KLHL8: variants seen among roughly 807,000 people sequenced by gnomAD.
KLHL8 encodes kelch-like protein 8.
KLHL8 carries 38 observed loss-of-function variants against 63.5 expected under a neutral mutation model. The observed-to-expected ratio is 0.60, with a 90% CI of 0.46 to 0.78. KLHL8 has a LOEUF of 0.78. Among genes scored for constraint, KLHL8 ranks in the 30% least tolerant of loss-of-function variants. The pLI, the probability that KLHL8 is intolerant of heterozygous loss-of-function variation, is 0.00. For missense variants in KLHL8, 566 were observed against 752.4 expected, an observed-to-expected ratio of 0.75 and a Z score of 2.90; for synonymous variants, 224 against 254.3, an observed-to-expected ratio of 0.88 and a Z score of 1.13.
At chr4:87,219,653 T>G (rs536837875) in intron 1 of KLHL8, 37 of 152,166 alleles carry the variant, frequency 2.4e-4, no homozygotes, top group Admixed American at 2.4e-3. Context: ...GCCAAATCGC[T>G]CTCTCTGAAG....
rs532769943 is a variant in KLHL8, at chr4:87,185,475, G to A, written c.541C>T (p.Arg181Ter). ...AVRAFAESHN[R>*]IDLMDMADQY... ...TCCGCCATGTCCATTAAGTCTATTC[G>A]ATTGTGACTTTCTGCAAAGGCTCTT... is the stretch of plus-strand genomic sequence containing the variant. Residue 181 changes from arginine to a stop codon, truncating the protein, a stop_gained, in exon 3 of 10, where the codon CGA becomes TGA. Transcript: ENST00000273963. LOFTEE classifies it high-confidence loss of function. 1.2e-6 allele frequency: 2 copies of A among 1,613,994 alleles called. No homozygotes were observed. Among genetic ancestry groups the A allele is most frequent in the African/African-American group, 1.3e-5 (1 of 74,908 alleles).
At chr4:87,166,440 G>A (rs1045790481) in intron 8 of KLHL8, among the ~76,000 whole-genome samples, 1 of 152,166 alleles carries the variant, frequency 6.6e-6, no homozygotes, top group Non-Finnish European at 1.5e-5. Flanking sequence ...ATAAAGGAAG[G>A]TATTACTAAT....
In KLHL8 at chr4:87,163,261, A is replaced by T; in HGVS notation, c.*258T>A. ...TTTGGCACTACTTTAAGCATTTTTC[A>T]GGGTAGGTATGATTTTAAGTTCGAC... On this transcript the variant is annotated 3_prime_UTR_variant, in exon 10 of 10. Transcript: ENST00000273963. 3.8e-6 allele frequency: 1 copy of T among 262,812 alleles called. No individual in the cohort carries two copies. The highest frequency in any genetic ancestry group is 7.2e-6 in the Non-Finnish European group (1 of 139,620). 16.3% of individuals were successfully genotyped at this position (262,812 alleles called of 1,614,324 possible).
In KLHL8 at chr4:87,216,664, TTC is replaced by T. The variant is rs569977911; in HGVS notation, c.-152+3752_-152+3753del. Among the ~76,000 whole-genome samples, 185 of 152,250 alleles carry T rather than the reference TTC, an allele frequency of 1.2e-3. 4 individuals are homozygous for T. The South Asian group carries it at 0.037, about 30-fold the overall frequency. ...AGGTCCCTCCAACCCTCTTCCATAA[TTC>T]TCTCTCTGACTCATAAGAACCAACT... On this transcript the variant is annotated intron_variant, in intron 1 of 9. Transcript: ENST00000273963.
At chr4:87,217,900 A>C (rs1242797117) in intron 1 of KLHL8, among the ~76,000 whole-genome samples, 1 of 152,220 alleles carries the variant, frequency 6.6e-6, no homozygotes, top group Non-Finnish European at 1.5e-5. Context: ...TTAATGTTTA[A>C]GATGTCTGCA....
chr4:87,198,268 T>G (rs1443777998), intron 1 of KLHL8, among the ~76,000 whole-genome samples: 1 of 152,062 alleles, frequency 6.6e-6, no homozygotes, highest in Non-Finnish European at 1.5e-5. Context: ...TGCAGTGAGC[T>G]GAGATCACAC....
chr4:87,234,451 A>G (rs1382532700), intron 1 of KLHL8, among the ~76,000 whole-genome samples: 1 of 151,320 alleles, frequency 6.6e-6, no homozygotes, highest in Non-Finnish European at 1.5e-5. Context: ...AAAAAAAAAA[A>G]GATTATAGTG....
chr4:87,239,710 C>T (rs1235805012), intron 1 of KLHL8, among the ~76,000 whole-genome samples: 1 of 152,084 alleles, frequency 6.6e-6, no homozygotes, highest in Non-Finnish European at 1.5e-5. Flanking sequence ...TTTATGAGAA[C>T]CTTGGGCTGA....
intron 8 of KLHL8, 88 bp from the exon 9 acceptor site, chr4:87,164,167 T>G (rs918513947): frequency 2.5e-6 from 3 of 1,203,070 alleles, no homozygotes; most frequent in Non-Finnish European, 3.5e-6. Flanking sequence ...CAACCCAATC[T>G]TTTAAAATCA....
upstream of KLHL8, among the ~76,000 whole-genome samples, chr4:87,224,942 G>A (rs142886834): frequency 2.0e-5 from 3 of 152,134 alleles, no homozygotes; most frequent in East Asian, 5.8e-4. Flanking sequence ...GGATGGGGTG[G>A]AGTTTGGTGG....
rs992887632 is a variant in KLHL8, at chr4:87,160,424, CAT to C, written c.*3093_*3094del. 6.6e-6 allele frequency: 1 copy of C among 151,962 alleles called. No homozygotes were observed. The highest frequency in any genetic ancestry group is 2.4e-5 in the African/African-American group (1 of 41,394). The allele number at this position is 151,962 out of a possible 1,614,324, so 9.4% of individuals were successfully genotyped here. ...TAGATTCTAAAGGCATTCTTTAAGA[CAT>C]AGAGAAAAAAGAAACAAAGAAAATT... On this transcript the variant is annotated 3_prime_UTR_variant, in exon 10 of 10. Transcript: ENST00000273963.
chr4:87,228,302 C>A (rs1251990319), intron 1 of KLHL8, among the ~76,000 whole-genome samples: 1 of 152,140 alleles, frequency 6.6e-6, no homozygotes, highest in Non-Finnish European at 1.5e-5. Context: ...GCCATGGGAA[C>A]CCCTGAATTT....
intron 1 of KLHL8, among the ~76,000 whole-genome samples, chr4:87,239,117 G>T (rs1222648464): frequency 6.6e-6 from 1 of 152,134 alleles, no homozygotes; most frequent in Non-Finnish European, 1.5e-5. Context: ...TCTTCTCTAA[G>T]TAGTAGTGTT....
intron 1 of KLHL8, among the ~76,000 whole-genome samples, chr4:87,227,460 C>A (rs1467444172): frequency 1.3e-5 from 2 of 151,976 alleles, no homozygotes; most frequent in South Asian, 2.1e-4. Flanking sequence ...GAGAACACAG[C>A]AAGACTGTGT....
chr4:87,208,254 G>T (rs941277127), intron 1 of KLHL8, among the ~76,000 whole-genome samples: 9 of 152,080 alleles, frequency 5.9e-5, no homozygotes, highest in Non-Finnish European at 1.2e-4. Context: ...GCCCCACCTT[G>T]TCATGTACCA....
intron 1 of KLHL8, among the ~76,000 whole-genome samples, chr4:87,231,704 C>G (rs1733140419): frequency 6.6e-6 from 1 of 152,068 alleles, no homozygotes; most frequent in African/African-American, 2.4e-5. Context: ...TCAAGCGATT[C>G]TCCTGCCTCA....
intron 1 of KLHL8, among the ~76,000 whole-genome samples, chr4:87,227,781 A>G (rs1733061346): frequency 6.6e-6 from 1 of 152,208 alleles, no homozygotes; most frequent in African/African-American, 2.4e-5. Flanking sequence ...TGTGCAATGA[A>G]AATAAGCTTT....
At chr4:87,194,131 C>A (rs1166982885) in intron 2 of KLHL8, among the ~76,000 whole-genome samples, 3 of 152,080 alleles carry the variant, frequency 2.0e-5, no homozygotes, top group Non-Finnish European at 4.4e-5. Flanking sequence ...AGAGGGGGAA[C>A]CTTTGGGAAA....
intron 2 of KLHL8, among the ~76,000 whole-genome samples, chr4:87,187,054 G>C (rs1444973949): frequency 6.6e-6 from 1 of 151,162 alleles, no homozygotes; most frequent in East Asian, 1.9e-4. Flanking sequence ...ATTACAAATA[G>C]CACACTAGTG....
Sources: gnomAD v4.1 joint callset for allele counts (sites outside exome capture counted in the v4.1 genomes callset) on GRCh38, gnomAD v4.1.1 for gene constraint, MANE v1.5 for transcripts, NCBI Gene and HGNC (gene_info 2026-07-23, HGNC 2026-07-21) for gene names.